Variants in NYAP2 observed in about 807,000 individuals in gnomAD.
NYAP2 encodes the protein neuronal tyrosine-phosphorylated phosphoinositide-3-kinase adapter 2.
In NYAP2, 23 loss-of-function variants were observed where a neutral mutation model predicts 50.4. That is an observed-to-expected ratio of 0.46 (90% confidence interval 0.33 to 0.65). The LOEUF (loss-of-function observed/expected upper bound fraction) is 0.65. Ranked by LOEUF, NYAP2 falls within the 30% of genes least tolerant of loss-of-function variation. The probability of loss-of-function intolerance (pLI) is 0.02; values close to 1 mark genes in which losing one functional copy is unlikely to be tolerated. For synonymous variants in NYAP2, 394 were observed against 365.2 expected (o/e 1.08, Z -0.90); for missense variants, 885 against 861.0 (o/e 1.03, Z -0.35).
intron 5 of NYAP2, among the ~76,000 whole-genome samples, chr2:225,609,084 T>C (rs1022325987): frequency 6.6e-6 from 1 of 152,146 alleles, no homozygotes; most frequent in South Asian, 2.1e-4. Flanking sequence ...AATTCTTTAA[T>C]TGACTCCCAG....
intron 3 of NYAP2, among the ~76,000 whole-genome samples, chr2:225,413,358 A>C (rs1695077071): frequency 6.6e-6 from 1 of 152,160 alleles, no homozygotes; most frequent in African/African-American, 2.4e-5. Flanking sequence ...CTAAAGTCTT[A>C]AACCTCCTTA....
At chr2:225,498,262 A>G (rs1690542013) in intron 3 of NYAP2, among the ~76,000 whole-genome samples, 1 of 152,190 alleles carries the variant, frequency 6.6e-6, no homozygotes, top group Admixed American at 6.5e-5. Flanking sequence ...AATAGTGACA[A>G]TATGAAGGAA....
At chr2:225,458,417 A>G (rs944023414) in intron 3 of NYAP2, among the ~76,000 whole-genome samples, 1 of 152,218 alleles carries the variant, frequency 6.6e-6, no homozygotes, top group Non-Finnish European at 1.5e-5. Context: ...ATTGAATTAT[A>G]GTTTTTTTAT....
chr2:225,435,587 G>T (rs1418900924), intron 3 of NYAP2, among the ~76,000 whole-genome samples: 1 of 152,178 alleles, frequency 6.6e-6, no homozygotes, highest in Non-Finnish European at 1.5e-5. Context: ...AGAATAAATT[G>T]TGTATCATTC....
chr2:225,443,137 C>T (rs1689496751), intron 3 of NYAP2, among the ~76,000 whole-genome samples: 2 of 152,142 alleles, frequency 1.3e-5, no homozygotes, highest in Non-Finnish European at 2.9e-5. Context: ...ATGGGAGCTA[C>T]AATTCAAGAT....
chr2:225,689,268 T>C, the NYAP2 span, among the ~76,000 whole-genome samples: 2 of 152,202 alleles, frequency 1.3e-5, no homozygotes, highest in Non-Finnish European at 2.9e-5. Flanking sequence ...CAATAGATGT[T>C]AATTTGAAAT....
chr2:225,471,297 C>T (rs1261807641), intron 3 of NYAP2, among the ~76,000 whole-genome samples: 3 of 152,310 alleles, frequency 2.0e-5, no homozygotes, highest in South Asian at 2.1e-4. Context: ...AATGTGGTGA[C>T]GCAGAATGGT....
intron 4 of NYAP2, among the ~76,000 whole-genome samples, chr2:225,557,013 A>G (rs1312895583): frequency 6.6e-6 from 1 of 152,172 alleles, no homozygotes; most frequent in African/African-American, 2.4e-5. Context: ...CTTGGGCCAC[A>G]CTTTTCTCAT....
At chr2:225,546,032 A>C (rs1018374074) in intron 4 of NYAP2, among the ~76,000 whole-genome samples, 2 of 152,174 alleles carry the variant, frequency 1.3e-5, no homozygotes, top group Middle Eastern at 3.2e-3. Context: ...CTCTCAAACA[A>C]ATGAAGTCTA....
chr2:225,639,894 C>T (rs1693496963), intron 6 of NYAP2, among the ~76,000 whole-genome samples: 1 of 152,036 alleles, frequency 6.6e-6, no homozygotes, highest in South Asian at 2.1e-4. Context: ...GGAGGAAGAG[C>T]AATCAAGGAA....
Position 225,563,630 on chromosome 2 carries a change from T to C in NYAP2, c.524-18311T>C, listed in dbSNP as rs1348576868. 2.0e-5 allele frequency among the ~76,000 whole-genome samples: 3 copies of C among 152,086 alleles called. No homozygotes were observed. The East Asian group carries it at 5.8e-4, about 29-fold the overall frequency. Reference sequence around the variant, plus strand: ...CAATTTTATATATGAAGGATCTTCATAGTGATCACAAAGCAGAACATTTCT... The same window carrying C: ...CAATTTTATATATGAAGGATCTTCACAGTGATCACAAAGCAGAACATTTCT... On this transcript the variant is annotated intron_variant, in intron 4 of 6. Transcript: ENST00000636099.
intron 4 of NYAP2, among the ~76,000 whole-genome samples, chr2:225,552,103 G>A (rs566785428): frequency 6.6e-5 from 10 of 152,246 alleles, no homozygotes; most frequent in African/African-American, 2.4e-4. Context: ...GCGAGCCACT[G>A]CACCTGGCAC....
downstream of NYAP2, among the ~76,000 whole-genome samples, chr2:225,656,981 A>G (rs538983210): frequency 2.6e-4 from 40 of 152,188 alleles, no homozygotes; most frequent in African/African-American, 9.2e-4. Flanking sequence ...CTTTCATTGA[A>G]CTTTCTAGAT....
At chr2:225,681,127 T>G in the NYAP2 span, among the ~76,000 whole-genome samples, 676 of 152,330 alleles carry the variant, frequency 4.4e-3, 9 homozygotes, top group African/African-American at 0.015. Flanking sequence ...GTGCAACAGT[T>G]TTCCTGGTTG....
intron 3 of NYAP2, among the ~76,000 whole-genome samples, chr2:225,510,381 G>T (rs751759241): frequency 6.6e-6 from 1 of 152,066 alleles, no homozygotes; most frequent in Admixed American, 6.6e-5. Flanking sequence ...GAAACATCTG[G>T]ATATAGTTTT....
the NYAP2 span, among the ~76,000 whole-genome samples, chr2:225,683,729 G>A: frequency 6.6e-6 from 1 of 152,104 alleles, no homozygotes; most frequent in Non-Finnish European, 1.5e-5. Context: ...AGAAGCAGGA[G>A]AGAAGCCATA....
chr2:225,567,044 C>G (rs961530449), intron 4 of NYAP2, among the ~76,000 whole-genome samples: 3 of 152,056 alleles, frequency 2.0e-5, no homozygotes, highest in Non-Finnish European at 4.4e-5. Flanking sequence ...AGTGTACTTA[C>G]CCAAACCCAG....
At chr2:225,661,746 C>T in the NYAP2 span, among the ~76,000 whole-genome samples, 16 of 143,168 alleles carry the variant, frequency 1.1e-4, no homozygotes, top group Middle Eastern at 3.8e-3. Context: ...TTTTCTGAGG[C>T]GGAGTCTAGC....
intron 4 of NYAP2, among the ~76,000 whole-genome samples, chr2:225,555,812 G>A (rs1402862943): frequency 6.6e-6 from 1 of 152,118 alleles, no homozygotes; most frequent in Non-Finnish European, 1.5e-5. Context: ...GAGCTGGTGA[G>A]GAACACAGAT....
Sources: allele counts gnomAD v4.1 joint callset (sites outside exome capture counted in the v4.1 genomes callset), GRCh38; gene constraint gnomAD v4.1.1; transcripts MANE v1.5; gene names NCBI Gene and HGNC (gene_info 2026-07-23, HGNC 2026-07-21).